PPFIA2: variants seen among roughly 807,000 people sequenced by gnomAD.
PPFIA2 encodes PPFI scaffold protein A2, also known as liprin-alpha-2.
A neutral mutation model predicts 175.5 loss-of-function variants in PPFIA2; 46 were observed. That is an observed-to-expected ratio of 0.26 (90% CI 0.21 to 0.34). The LOEUF (loss-of-function observed/expected upper bound fraction) is 0.34. Ranked by LOEUF, PPFIA2 falls within the 10% of genes least tolerant of loss-of-function variation. The pLI is 1.00. For missense variants in PPFIA2, 1,179 were observed against 1,506.1 expected (o/e 0.78, Z 3.60); for synonymous variants, 568 against 511.4 (o/e 1.11, Z -1.49).
In PPFIA2 at chr12:81,749,325, C is replaced by T. The variant is rs1169727349; in HGVS notation, c.249+4648G>A. On this transcript the variant is annotated intron_variant, in intron 3 of 32. Transcript: ENST00000549396. ...TTTGGGCCCATTTATGTATTTTTTC[C>T]AAGCAACTCTATTCCCTAAACTGTC... is the stretch of plus-strand genomic sequence containing the variant. 1.4e-5 allele frequency among the ~76,000 whole-genome samples: 2 copies of T among 143,580 alleles called. 1 individual carries two copies. Among genetic ancestry groups the T allele is most frequent in the East Asian group, 4.3e-4 (2 of 4,704 alleles). The allele number at this position is 143,580 out of a possible 152,430, so 94.2% of individuals were successfully genotyped here.
chr12:81,341,186 C>A lies in PPFIA2; in HGVS notation c.2285G>T (p.Gly762Val), dbSNP rs1396833378. Reference protein sequence around the residue: ...RRKIAVVEEDGREDKATIKCE... With the variant: ...RRKIAVVEEDVREDKATIKCE... ...TTTAATTGTTGCTTTGTCCTCTCGACCATCTTCTTCCACAACTGCAATCTA... is the reference window on the plus strand; with the variant it reads ...TTTAATTGTTGCTTTGTCCTCTCGAACATCTTCTTCCACAACTGCAATCTA... The change falls in exon 20 of 33, where the codon GGT becomes GTT. Residue 762 changes from glycine (G) to valine (V), a missense_variant. This residue lies in a region of PPFIA2 where 223 missense variants were observed against 241.6 expected (regional missense o/e 0.92). Coordinates refer to ENST00000549396, the MANE Select transcript of PPFIA2 (RefSeq NM_003625.5). 19 of 1,611,668 alleles carry A rather than the reference C, an allele frequency of 1.2e-5. No individual in the cohort carries two copies. The highest frequency in any genetic ancestry group is 1.5e-5 in the Non-Finnish European group (18 of 1,178,478).
intron 7 of PPFIA2, among the ~76,000 whole-genome samples, chr12:81,433,376 T>C (rs2048434505): frequency 6.6e-6 from 1 of 152,230 alleles, no homozygotes; most frequent in Admixed American, 6.5e-5. Context: ...TTCCCTTCTG[T>C]ATTTTGCTTG....
intron 22 of PPFIA2, among the ~76,000 whole-genome samples, chr12:81,303,585 G>GGTTCT (rs1168639260): frequency 6.6e-6 from 1 of 152,138 alleles, no homozygotes; most frequent in Non-Finnish European, 1.5e-5. Flanking sequence ...ATAGGCCTCA[G>GGTTCT]GTTCTCCTAT....
At chr12:81,433,098 A>G (rs1392242962) in intron 7 of PPFIA2, among the ~76,000 whole-genome samples, 1 of 151,922 alleles carries the variant, frequency 6.6e-6, no homozygotes, top group Non-Finnish European at 1.5e-5. Flanking sequence ...AAAATCTACA[A>G]ATTTTTAGCT....
At chr12:81,447,713 G>A (rs968181533) in intron 5 of PPFIA2, among the ~76,000 whole-genome samples, 8 of 152,068 alleles carry the variant, frequency 5.3e-5, no homozygotes, top group African/African-American at 9.7e-5. Flanking sequence ...CACAGTGTCC[G>A]CCTTAATCCT....
At chr12:81,712,005 G>T (rs1489737603) in intron 3 of PPFIA2, among the ~76,000 whole-genome samples, 1 of 150,914 alleles carries the variant, frequency 6.6e-6, no homozygotes, top group East Asian at 2.0e-4. Flanking sequence ...TGCAAAAGAA[G>T]ATTATATTAG....
intron 22 of PPFIA2, among the ~76,000 whole-genome samples, chr12:81,321,080 G>T (rs898811839): frequency 8.9e-6 from 1 of 111,928 alleles, no homozygotes; most frequent in Non-Finnish European, 1.8e-5. Flanking sequence ...AGAGGAAAAA[G>T]AAATCCTACA....
intron 7 of PPFIA2, among the ~76,000 whole-genome samples, chr12:81,410,274 CTT>C (rs1219333961): frequency 6.6e-6 from 1 of 152,140 alleles, no homozygotes; most frequent in Non-Finnish European, 1.5e-5. Context: ...TCAAATAAAA[CTT>C]AACTCCGTAT....
chr12:81,626,282 A>T (rs979138499), intron 4 of PPFIA2, among the ~76,000 whole-genome samples: 21 of 151,886 alleles, frequency 1.4e-4, no homozygotes, highest in African/African-American at 4.4e-4. Context: ...TGGAAAATAA[A>T]CTATTTTCAA....
At chr12:81,284,498 A>G in intron 24 of PPFIA2, 195 bp from the exon 25 acceptor site, 1 of 537,872 alleles carries the variant, frequency 1.9e-6, no homozygotes, top group Non-Finnish European at 3.3e-6. Context: ...AAGATTAACT[A>G]GAAAGAGGCA....
chr12:81,689,491 G>A (rs1352094076), intron 3 of PPFIA2, among the ~76,000 whole-genome samples: 1 of 151,916 alleles, frequency 6.6e-6, no homozygotes, highest in Non-Finnish European at 1.5e-5. Context: ...ACTGATATCA[G>A]AGCATAAAAT....
At chr12:81,496,900 C>T (rs553695848) in intron 4 of PPFIA2, among the ~76,000 whole-genome samples, 2 of 152,306 alleles carry the variant, frequency 1.3e-5, no homozygotes, top group South Asian at 2.1e-4. Flanking sequence ...CCACAGACCA[C>T]AGTCTACTCT....
chr12:81,636,345 A>G (rs934419789), intron 4 of PPFIA2, among the ~76,000 whole-genome samples: 4 of 145,632 alleles, frequency 2.7e-5, no homozygotes, highest in Non-Finnish European at 4.5e-5. Context: ...GGCTCACTGC[A>G]AGCTCCGCCT....
At chr12:81,529,976 GT>G (rs1254837544) in intron 4 of PPFIA2, among the ~76,000 whole-genome samples, 1 of 151,688 alleles carries the variant, frequency 6.6e-6, no homozygotes, top group Non-Finnish European at 1.5e-5. Context: ...TAAAATAAAA[GT>G]TTTTTAAAAA....
intron 4 of PPFIA2, among the ~76,000 whole-genome samples, chr12:81,642,734 T>TGTATCTATTATATACATAC (rs1567688409): frequency 1.1e-4 from 1 of 8,966 alleles, no homozygotes; most frequent in Non-Finnish European, 2.6e-4. Context: ...CATACATGTA[T>TGTATCTATTATATACATAC]ATGTATGTAT....
intron 17 of PPFIA2, among the ~76,000 whole-genome samples, chr12:81,349,027 T>A (rs118122465): frequency 6.6e-6 from 1 of 152,326 alleles, no homozygotes; most frequent in Non-Finnish European, 1.5e-5. Context: ...ATTTATTTGC[T>A]AAATTTATTC....
chr12:81,637,333 A>C (rs915649607), intron 4 of PPFIA2, among the ~76,000 whole-genome samples: 8 of 130,000 alleles, frequency 6.2e-5, no homozygotes, highest in South Asian at 5.1e-4. Context: ...CGAACTCCCA[A>C]CCTCAGGTGT....
intron 4 of PPFIA2, among the ~76,000 whole-genome samples, chr12:81,612,766 T>C (rs1284105726): frequency 6.6e-6 from 1 of 152,246 alleles, no homozygotes; most frequent in African/African-American, 2.4e-5. Context: ...AAAATATGTA[T>C]ATGAATGTAC....
intron 7 of PPFIA2, among the ~76,000 whole-genome samples, chr12:81,414,162 C>T (rs186578955): frequency 1.3e-5 from 2 of 151,744 alleles, no homozygotes; most frequent in East Asian, 3.9e-4. Context: ...AGGTCTGATT[C>T]CTTCAAAACA....
Sources: allele counts gnomAD v4.1 joint callset (sites outside exome capture counted in the v4.1 genomes callset), GRCh38; gene constraint gnomAD v4.1.1; regional missense constraint gnomAD v4.1.1; transcripts MANE v1.5; gene names NCBI Gene and HGNC (gene_info 2026-07-23, HGNC 2026-07-21).